PLCB4: variants seen among roughly 807,000 people sequenced by gnomAD.
PLCB4 encodes phospholipase C beta 4, also known as 1-phosphatidylinositol 4,5-bisphosphate phosphodiesterase beta-4.
A neutral mutation model predicts 178.8 loss-of-function variants in PLCB4; 77 were observed. The ratio of observed to expected loss-of-function variants is 0.43; its 90% CI spans 0.36 to 0.52. The LOEUF (loss-of-function observed/expected upper bound fraction) is 0.52. Ranked by LOEUF, PLCB4 falls within the 20% of genes least tolerant of loss-of-function variation. The pLI, the probability that PLCB4 is intolerant of heterozygous loss-of-function variation, is 0.00. For missense variants in PLCB4, 1,024 were observed against 1,453.4 expected (o/e 0.70, Z 4.80); for synonymous variants, 496 against 490.8 (o/e 1.01, Z -0.14).
chr20:9,240,263 G>A (rs958412829), intron 3 of PLCB4, among the ~76,000 whole-genome samples: 23 of 152,118 alleles, frequency 1.5e-4, no homozygotes, highest in Non-Finnish European at 5.9e-5. Flanking sequence ...CTACTTTCAG[G>A]GGAGGTAGGC....
intron 3 of PLCB4, among the ~76,000 whole-genome samples, chr20:9,301,744 G>A (rs558004383): frequency 2.0e-5 from 3 of 152,148 alleles, no homozygotes; most frequent in African/African-American, 4.8e-5. Flanking sequence ...AGGAGCTTTT[G>A]CCACTTGCTC....
At chr20:9,195,370 G>A (rs181863486) in intron 2 of PLCB4, among the ~76,000 whole-genome samples, 5 of 152,258 alleles carry the variant, frequency 3.3e-5, no homozygotes, top group Non-Finnish European at 7.4e-5. Context: ...AACCTGACTC[G>A]GCTAAGGGTT....
chr20:9,371,608 G>A (rs2036259793), intron 10 of PLCB4, among the ~76,000 whole-genome samples: 1 of 152,054 alleles, frequency 6.6e-6, no homozygotes, highest in African/African-American at 2.4e-5. Flanking sequence ...AGGCCAGCTT[G>A]CTGTGTTACA....
At chr20:9,160,186 G>A (rs1444220416) in intron 2 of PLCB4, among the ~76,000 whole-genome samples, 1 of 152,176 alleles carries the variant, frequency 6.6e-6, no homozygotes, top group Non-Finnish European at 1.5e-5. Context: ...GGCTGGGAGT[G>A]TGGGGGGTGG....
At chr20:9,199,290 TA>T (rs1032222537) in intron 2 of PLCB4, among the ~76,000 whole-genome samples, 3 of 152,240 alleles carry the variant, frequency 2.0e-5, no homozygotes, top group Non-Finnish European at 4.4e-5. Flanking sequence ...AAGAAGGATA[TA>T]AAAATGGAGG....
intron 3 of PLCB4, among the ~76,000 whole-genome samples, chr20:9,295,318 A>G (rs1452656320): frequency 6.6e-6 from 1 of 152,030 alleles, no homozygotes; most frequent in African/African-American, 2.4e-5. Flanking sequence ...ATAGACATCC[A>G]CCATGTATTC....
In PLCB4 at chr20:9,307,494, T is replaced by TATACACACAC. The variant is rs1396442853; in HGVS notation, c.-15-305_-15-304insTACACACACA. Among the ~76,000 whole-genome samples, 320 of 138,140 alleles carry TATACACACAC rather than the reference T, an allele frequency of 2.3e-3. 2 individuals are homozygous for TATACACACAC. Among genetic ancestry groups the TATACACACAC allele is most frequent in the African/African-American group, 7.0e-3 (253 of 36,392 alleles). The allele number at this position is 138,140 out of a possible 152,430, so 90.6% of individuals were successfully genotyped here. A position where few individuals can be genotyped will look rare whatever the true frequency, so the allele number is the denominator to read the frequency against. On this transcript the variant is annotated intron_variant, in intron 3 of 39. Transcript: ENST00000378473. ...GTGCCTTCAGATTTTAAAAAAAGAATACACACACACACACACACACACACA... is the reference window on the plus strand; with the variant it reads ...GTGCCTTCAGATTTTAAAAAAAGAATATACACACACACACACACACACACACACACACACA...
chr20:9,073,048 G>A (rs724088), intron 1 of PLCB4, among the ~76,000 whole-genome samples: 94,798 of 151,918 alleles, frequency 0.62, 29,690 homozygotes, highest in South Asian at 0.72. Flanking sequence ...GGATCTTTTG[G>A]TATGCCTAGG....
chr20:9,200,229 G>A (rs936728951), intron 2 of PLCB4, among the ~76,000 whole-genome samples: 2 of 152,200 alleles, frequency 1.3e-5, no homozygotes, highest in African/African-American at 2.4e-5. Context: ...CTAAGTGATT[G>A]TAGTTTCTTT....
chr20:9,144,770 A>AAGGAGGGGAAGGAGGGGG (rs1568832008), intron 2 of PLCB4, among the ~76,000 whole-genome samples: 24 of 51,266 alleles, frequency 4.7e-4, no homozygotes, highest in Admixed American at 6.6e-4. Context: ...GAAGGAGGGG[A>AAGGAGGGGAAGGAGGGGG]ATGAGGGGGA....
intron 17 of PLCB4, among the ~76,000 whole-genome samples, chr20:9,391,992 A>G: frequency 6.6e-6 from 1 of 152,168 alleles, no homozygotes; most frequent in Non-Finnish European, 1.5e-5. Context: ...GACCTGGTGC[A>G]ATACTACTTT....
At chr20:9,186,425 CA>C (rs576084499) in intron 2 of PLCB4, among the ~76,000 whole-genome samples, 121 of 152,308 alleles carry the variant, frequency 7.9e-4, no homozygotes, top group African/African-American at 2.6e-3. Flanking sequence ...AGGCTCTTTT[CA>C]GGAAAGGGCC....
chr20:9,134,997 G>C (rs1458940292), intron 2 of PLCB4, among the ~76,000 whole-genome samples: 1 of 151,970 alleles, frequency 6.6e-6, no homozygotes, highest in Admixed American at 6.6e-5. Context: ...GCTCCTTTTG[G>C]CAGAAGATAA....
intron 17 of PLCB4, among the ~76,000 whole-genome samples, chr20:9,393,098 TACAAAACC>T (rs917259637): frequency 1.3e-5 from 2 of 152,102 alleles, no homozygotes; most frequent in Non-Finnish European, 2.9e-5. Flanking sequence ...TTATCAAACC[TACAAAACC>T]ACAAAACCAC....
chr20:9,351,541 CCT>C (rs1235593591), intron 7 of PLCB4, among the ~76,000 whole-genome samples: 2 of 151,802 alleles, frequency 1.3e-5, no homozygotes, highest in Admixed American at 6.6e-5. Context: ...ATTTATTTTC[CCT>C]GTTTTTCCAC....
At position 9,145,687 on chromosome 20, in the gene PLCB4, C is replaced by T. The variant is rs375155902; in HGVS notation, c.-79+49345C>T. 1.1e-4 allele frequency among the ~76,000 whole-genome samples: 16 copies of T among 152,024 alleles called. 1 individual carries two copies. The highest frequency in any genetic ancestry group is 6.6e-4 in the Admixed American group (10 of 15,242). ...ATCTATCCATTTATCTTTCCATTCA[C>T]GCACCCAACCATGCAATATTCATTG... On this transcript the variant is annotated intron_variant, in intron 2 of 39. Coordinates refer to ENST00000378473, the MANE Select transcript of PLCB4 (RefSeq NM_001377142.1).
chr20:9,478,614 C>T (rs927545258), intron 39 of PLCB4, among the ~76,000 whole-genome samples: 2 of 152,076 alleles, frequency 1.3e-5, no homozygotes, highest in African/African-American at 4.8e-5. Context: ...AGTGGTCTAC[C>T]CTCTTCTCAA....
At chr20:9,196,100 C>T (rs540409699) in intron 2 of PLCB4, among the ~76,000 whole-genome samples, 43 of 152,264 alleles carry the variant, frequency 2.8e-4, no homozygotes, top group African/African-American at 9.9e-4. Context: ...GTAGAGATTA[C>T]AGAAGAATTT....
chr20:9,233,202 AAATGAT>A (rs2093952686), intron 3 of PLCB4, among the ~76,000 whole-genome samples: 2 of 152,156 alleles, frequency 1.3e-5, no homozygotes. Context: ...TTTTAATGTT[AAATGAT>A]AATGATAATG....
Sources: gnomAD v4.1 joint callset for allele counts (sites outside exome capture counted in the v4.1 genomes callset) on GRCh38, gnomAD v4.1.1 for gene constraint, MANE v1.5 for transcripts, NCBI Gene and HGNC (gene_info 2026-07-23, HGNC 2026-07-21) for gene names.